The following VPS13C variants were observed in gnomAD, a reference collection of about 807,000 sequenced individuals.
VPS13C encodes intermembrane lipid transfer protein VPS13C.
Under a neutral mutation model 456.8 loss-of-function variants are expected in VPS13C, and 358 were observed. The observed-to-expected ratio is 0.78, with a 90% CI of 0.72 to 0.86. The LOEUF is 0.86. VPS13C is among the 40% of genes least tolerant of loss of function. The probability of loss-of-function intolerance (pLI) is 0.00; values close to 1 mark genes in which losing one functional copy is unlikely to be tolerated. For missense variants in VPS13C, 4,818 were observed against 4,385.4 expected, an observed-to-expected ratio of 1.10 and a Z score of -2.79; for synonymous variants, 1,578 against 1,486.7, an observed-to-expected ratio of 1.06 and a Z score of -1.41.
rs1401684499 is a variant in VPS13C at position 61,959,517 on chromosome 15, C to A, written c.3987G>T (p.Arg1329=). The change falls in exon 36 of 85, where the codon CGG becomes CGT. Residue 1329 remains arginine, a synonymous_variant. Transcript: ENST00000644861. The stretch of plus-strand genomic sequence containing the variant: ...TGTGGTACCAAGATGCAGCTAGATT[C>A]CGATTTACAAGAAATTCCAAGTTAA... The part of the protein sequence containing the change: ...HPINLEFLVN[R]NLAASWYHKV... The A allele has an allele frequency of 6.2e-7, 1 of 1,612,986 alleles. No homozygotes were observed.
At chr15:61,931,766 G>C (rs1160645639) in intron 49 of VPS13C, among the ~76,000 whole-genome samples, 1 of 151,548 alleles carries the variant, frequency 6.6e-6, no homozygotes, top group Admixed American at 6.6e-5. Flanking sequence ...ATTTTTAGTA[G>C]AGATGGGGTT....
chr15:61,953,258 C>T (rs1249226326), intron 38 of VPS13C, among the ~76,000 whole-genome samples: 1 of 151,450 alleles, frequency 6.6e-6, no homozygotes, highest in Non-Finnish European at 1.5e-5. Flanking sequence ...TATTATTATA[C>T]TTTAAGTTTT....
intron 1 of VPS13C, among the ~76,000 whole-genome samples, chr15:62,055,403 ATTTTT>A (rs35306432): frequency 8.6e-6 from 1 of 115,958 alleles, no homozygotes; most frequent in African/African-American, 3.1e-5. Context: ...AATTTTTTGT[ATTTTT>A]TTTTTTTTTT....
At position 62,028,373 on chromosome 15, in the gene VPS13C, T is replaced by G; in HGVS notation, c.433A>C (p.Lys145Gln). The part of the protein sequence containing the change: ...FIYGLENFVY[K>Q]DIKPGRKRKK... ...GCATACCCACCAGGCTTGATGTCCT[T>G]GTAAACAAAGTTCTCCAAGCCATAT... Residue 145 changes from lysine to glutamine, a missense_variant, in exon 6 of 85, where the codon AAG (lysine) becomes CAG (glutamine). This residue lies in a region of VPS13C where 4,552 missense variants were observed against 4,130.6 expected (regional missense o/e 1.10). Transcript: ENST00000644861. 6.2e-7 allele frequency: 1 copy of G among 1,613,030 alleles called. No homozygotes were observed. The highest frequency in any genetic ancestry group is 1.1e-5 in the South Asian group (1 of 91,032).
rs2047061462 is a variant in VPS13C at position 62,012,109 on chromosome 15, T to C, written c.881A>G (p.Tyr294Cys). The change falls in exon 12 of 85, where the codon TAC (tyrosine) becomes TGC (cysteine). Residue 294 changes from tyrosine to cysteine, a missense_variant and splice_region_variant. Transcript: ENST00000644861. Reference sequence around the variant, plus strand: ...AATAAACTTTTACTATTACTTACTGTATTGATAATTTGGGGGTATATTTCC... The same window carrying C: ...AATAAACTTTTACTATTACTTACTGCATTGATAATTTGGGGGTATATTTCC... ...TSGNIPPNYQ[Y>C]IFQPISASAK... is the part of the protein sequence containing the mutation. The C allele has an allele frequency of 2.7e-6, 4 of 1,501,272 alleles. No homozygotes were observed. Among genetic ancestry groups the C allele is most frequent in the African/African-American group, 1.4e-5 (1 of 72,252 alleles). The allele number at this position is 1,501,272 out of a possible 1,614,324, so 93.0% of individuals were successfully genotyped here. A position where few individuals can be genotyped will look rare whatever the true frequency, so the allele number is the denominator to read the frequency against.
chr15:61,999,904 T>TA (rs71125961), intron 16 of VPS13C, among the ~76,000 whole-genome samples: 9,550 of 116,158 alleles, frequency 0.082, 360 homozygotes, highest in African/African-American at 0.096. Flanking sequence ...AAAGAAAAAG[T>TA]AAAAAAAAAA....
Position 61,991,057 on chromosome 15 carries a change from T to C in VPS13C, c.1521A>G (p.Lys507=). 5 of 1,612,342 alleles carry C rather than the reference T, an allele frequency of 3.1e-6. No homozygotes were observed. The highest frequency in any genetic ancestry group is 4.2e-6 in the Non-Finnish European group (5 of 1,179,418). The change falls in exon 18 of 85, where the codon AAA becomes AAG. Residue 507 remains lysine, a synonymous_variant. Coordinates refer to ENST00000644861, the MANE Select transcript of VPS13C (RefSeq NM_020821.3). ...DDLMTPEEKD[K]LFTAIGYSES... The stretch of plus-strand genomic sequence containing the variant: ...CACTATAACCAATGGCAGTGAAGAG[T>C]TTATCTTTTTCCTCTGGAGTCATAA...
intron 9 of VPS13C, among the ~76,000 whole-genome samples, chr15:62,016,455 T>C (rs1173515185): frequency 8.0e-6 from 1 of 124,592 alleles, no homozygotes; most frequent in African/African-American, 3.1e-5. Context: ...CAGTGTGTGA[T>C]ATTCCCCTTC....
intron 81 of VPS13C, chr15:61,864,429 CATT>C (rs1311945727): frequency 9.2e-6 from 8 of 867,094 alleles, no homozygotes; most frequent in African/African-American, 3.7e-5. Flanking sequence ...CTATTACTGA[CATT>C]ATATATAATG....
At chr15:61,866,855 T>C (rs947627207) in intron 81 of VPS13C, 2 of 973,804 alleles carry the variant, frequency 2.1e-6, no homozygotes, top group African/African-American at 3.5e-5. Context: ...AACAATTATA[T>C]GTTAATAGTT....
chr15:62,059,852 C>T (rs1321093782), intron 1 of VPS13C, among the ~76,000 whole-genome samples: 1 of 152,204 alleles, frequency 6.6e-6, no homozygotes, highest in Non-Finnish European at 1.5e-5. Context: ...GCAACTTCCT[C>T]CTTTTTTCTT....
At chr15:61,966,522 C>T (rs1372547146) in intron 29 of VPS13C, among the ~76,000 whole-genome samples, 1 of 151,818 alleles carries the variant, frequency 6.6e-6, no homozygotes, top group Admixed American at 6.6e-5. Context: ...TGTTTCTTTA[C>T]AAAACTAATC....
chr15:61,927,454 GGTTA>G, intron 51 of VPS13C, 134 bp from the exon 52 acceptor site: 3 of 657,056 alleles, frequency 4.6e-6, no homozygotes, highest in Admixed American at 6.0e-5. Context: ...AATATTAATT[GGTTA>G]ATTAATACTA....
chr15:61,874,204 G>C (rs1316072963), intron 77 of VPS13C, among the ~76,000 whole-genome samples: 1 of 152,008 alleles, frequency 6.6e-6, no homozygotes, highest in Non-Finnish European at 1.5e-5. Flanking sequence ...AGGATAGGGA[G>C]AGATTGGTTA....
At chr15:61,865,566 T>C (rs1397215198) in intron 81 of VPS13C, 1 of 820,118 alleles carries the variant, frequency 1.2e-6, no homozygotes, top group Non-Finnish European at 1.5e-6. Flanking sequence ...ATGTGTATGT[T>C]TGCGTATATA....
chr15:62,033,606 G>C (rs1596507633), intron 4 of VPS13C, 64 bp from the exon 5 acceptor site: 1 of 1,211,908 alleles, frequency 8.3e-7, no homozygotes, highest in Non-Finnish European at 1.2e-6. Context: ...AACGGAAAAA[G>C]TTCAGCCTCA....
chr15:62,006,563 A>G (rs1280933457), intron 15 of VPS13C, among the ~76,000 whole-genome samples: 5 of 152,196 alleles, frequency 3.3e-5, no homozygotes, highest in Non-Finnish European at 7.3e-5. Context: ...CGCAATAAAC[A>G]TATGTGTGCA....
intron 53 of VPS13C, among the ~76,000 whole-genome samples, chr15:61,924,685 A>C (rs1048856300): frequency 2.6e-5 from 4 of 152,186 alleles, no homozygotes; most frequent in African/African-American, 9.7e-5. Flanking sequence ...AGTATTTTAA[A>C]ATATTGAGAA....
At chr15:61,871,665 G>C (rs1895042748) in intron 79 of VPS13C, among the ~76,000 whole-genome samples, 1 of 152,018 alleles carries the variant, frequency 6.6e-6, no homozygotes, top group Non-Finnish European at 1.5e-5. Context: ...ATTTTGATAA[G>C]GGTTGCACTG....
Sources: gnomAD v4.1 joint callset for allele counts (sites outside exome capture counted in the v4.1 genomes callset) on GRCh38, gnomAD v4.1.1 for gene constraint, gnomAD v4.1.1 regional missense constraint, MANE v1.5 for transcripts, NCBI Gene and HGNC (gene_info 2026-07-23, HGNC 2026-07-21) for gene names.